The following FGF12 variants were observed in gnomAD, a reference collection of about 807,000 sequenced individuals.
FGF12 encodes the protein fibroblast growth factor 12B.
A neutral mutation model predicts 23.6 loss-of-function variants in FGF12; 14 were observed. The ratio of observed to expected loss-of-function variants is 0.59; its 90% CI spans 0.39 to 0.93. The LOEUF (loss-of-function observed/expected upper bound fraction) is 0.93, where lower values mean the gene tolerates loss of function less well. Among genes scored for constraint, FGF12 ranks in the 40% least tolerant of loss-of-function variants. FGF12 has a pLI of 0.00. For missense variants in FGF12, 175 were observed against 217.8 expected (o/e 0.80, Z 1.24); for synonymous variants, 62 against 77.3 (o/e 0.80, Z 1.04).
intron 4 of FGF12, among the ~76,000 whole-genome samples, chr3:192,286,808 A>G (rs1714473246): frequency 6.6e-6 from 1 of 152,004 alleles, no homozygotes; most frequent in Admixed American, 6.6e-5. Context: ...CCATGATAGC[A>G]GAGGGTTTTG....
At chr3:192,328,399 A>C (rs1293754461) in intron 4 of FGF12, among the ~76,000 whole-genome samples, 1 of 152,212 alleles carries the variant, frequency 6.6e-6, no homozygotes, top group Non-Finnish European at 1.5e-5. Context: ...ATCTCTTGAC[A>C]TAGAGGCTCA....
rs563460079 is a variant in FGF12 at position 192,213,854 on chromosome 3, C to G, written c.229-43198G>C. ...ATTGGATCTTCGTGGCCCATTTATT[C>G]CAATGCAGCTTTCAGTTTCACTGAC... On this transcript the variant is annotated intron_variant, in intron 4 of 5. Coordinates refer to ENST00000445105, the MANE Select transcript of FGF12 (RefSeq NM_004113.6). Among the ~76,000 whole-genome samples, 24 of 152,302 alleles carry G rather than the reference C, an allele frequency of 1.6e-4. No individual in the cohort carries two copies. In the South Asian group the frequency reaches 4.6e-3, roughly 29 times the overall value.
At chr3:192,548,400 A>G (rs890780736) in intron 2 of FGF12, among the ~76,000 whole-genome samples, 3 of 152,296 alleles carry the variant, frequency 2.0e-5, no homozygotes, top group Middle Eastern at 3.4e-3. Flanking sequence ...CCTTCATTGT[A>G]CAAATGGAAA....
intron 2 of FGF12, among the ~76,000 whole-genome samples, chr3:192,581,023 G>C (rs895529426): frequency 2.0e-5 from 3 of 152,054 alleles, no homozygotes; most frequent in Non-Finnish European, 4.4e-5. Flanking sequence ...TGAGATGAAG[G>C]AAATAATCAG....
chr3:192,695,458 G>A (rs1446481106), intron 2 of FGF12, among the ~76,000 whole-genome samples: 1 of 152,114 alleles, frequency 6.6e-6, no homozygotes, highest in South Asian at 2.1e-4. Context: ...CTGTTAAACT[G>A]CAGGCTCTTA....
At chr3:192,656,754 A>G (rs1168668861) in intron 2 of FGF12, among the ~76,000 whole-genome samples, 1 of 152,210 alleles carries the variant, frequency 6.6e-6, no homozygotes, top group Non-Finnish European at 1.5e-5. Context: ...GTACCCAACA[A>G]GAAAACACCT....
At chr3:192,722,654 T>C (rs954620397) in intron 2 of FGF12, among the ~76,000 whole-genome samples, 5 of 152,196 alleles carry the variant, frequency 3.3e-5, no homozygotes, top group African/African-American at 4.8e-5. Context: ...TACAATCTTC[T>C]GGATCCATGA....
chr3:192,256,900 G>A (rs772608179), intron 4 of FGF12, among the ~76,000 whole-genome samples: 9 of 152,054 alleles, frequency 5.9e-5, no homozygotes, highest in Non-Finnish European at 1.0e-4. Flanking sequence ...GTGACTATAT[G>A]GAAATTAATA....
chr3:192,290,939 A>C (rs1020153009), intron 4 of FGF12, among the ~76,000 whole-genome samples: 1 of 152,212 alleles, frequency 6.6e-6, no homozygotes, highest in African/African-American at 2.4e-5. Flanking sequence ...ATGTATATAC[A>C]CACATACATC....
chr3:192,289,945 T>C (rs998179694), intron 4 of FGF12, among the ~76,000 whole-genome samples: 6 of 152,110 alleles, frequency 3.9e-5, no homozygotes, highest in African/African-American at 1.2e-4. Context: ...ATCTTTCTCT[T>C]ATGGATGAGA....
chr3:192,158,332 C>CTTTCTTTCTTTCTT (rs1459698854), intron 5 of FGF12, among the ~76,000 whole-genome samples: 1,785 of 112,348 alleles, frequency 0.016, 45 homozygotes, highest in African/African-American at 0.034. Flanking sequence ...TTCTTTCTTT[C>CTTTCTTTCTTTCTT]TCTTTCTTTC....
At chr3:192,427,300 G>T (rs987255026) in intron 2 of FGF12, among the ~76,000 whole-genome samples, 2 of 151,770 alleles carry the variant, frequency 1.3e-5, no homozygotes, top group South Asian at 2.1e-4. Flanking sequence ...AGAATCGCTT[G>T]AACCCAGGAG....
intron 2 of FGF12, among the ~76,000 whole-genome samples, chr3:192,422,920 G>A (rs1403674275): frequency 6.6e-6 from 1 of 152,124 alleles, no homozygotes; most frequent in Non-Finnish European, 1.5e-5. Flanking sequence ...TATATGCAAA[G>A]AAAACATGTG....
intron 4 of FGF12, among the ~76,000 whole-genome samples, chr3:192,225,148 C>G (rs900155363): frequency 2.0e-5 from 3 of 152,102 alleles, no homozygotes; most frequent in African/African-American, 7.2e-5. Context: ...GATATTCTGC[C>G]AGCAAGTCTG....
intron 2 of FGF12, among the ~76,000 whole-genome samples, chr3:192,396,535 T>G (rs1475152731): frequency 2.0e-5 from 3 of 152,250 alleles, no homozygotes; most frequent in African/African-American, 7.2e-5. Context: ...CATAGTTGTA[T>G]GACCTAACAC....
At chr3:192,560,246 TGA>T (rs1172594761) in intron 2 of FGF12, among the ~76,000 whole-genome samples, 1 of 152,004 alleles carries the variant, frequency 6.6e-6, no homozygotes, top group Non-Finnish European at 1.5e-5. Flanking sequence ...TAGAAATATA[TGA>T]GATTCAAATT....
intron 2 of FGF12, among the ~76,000 whole-genome samples, chr3:192,661,518 C>T (rs761950383): frequency 9.2e-5 from 14 of 151,982 alleles, no homozygotes; most frequent in Non-Finnish European, 1.8e-4. Context: ...GAGTGAGACT[C>T]GGTCTCAGTA....
At chr3:192,466,931 A>G (rs1418922206) in intron 2 of FGF12, among the ~76,000 whole-genome samples, 5 of 152,234 alleles carry the variant, frequency 3.3e-5, no homozygotes, top group African/African-American at 7.2e-5. Flanking sequence ...ATGAGAAAAA[A>G]AAGTAATATA....
At chr3:192,215,561 A>G (rs1236718176) in intron 4 of FGF12, among the ~76,000 whole-genome samples, 1 of 152,168 alleles carries the variant, frequency 6.6e-6, no homozygotes, top group Admixed American at 6.5e-5. Context: ...AAAAGCCATA[A>G]ATTCAATACT....
Sources: gnomAD v4.1 joint callset for allele counts (sites outside exome capture counted in the v4.1 genomes callset) on GRCh38, gnomAD v4.1.1 for gene constraint, MANE v1.5 for transcripts, NCBI Gene and HGNC (gene_info 2026-07-23, HGNC 2026-07-21) for gene names.